The following LRRC4C variants were observed in gnomAD, a reference collection of about 807,000 sequenced individuals.
LRRC4C encodes the protein leucine-rich repeat-containing protein 4C.
A neutral mutation model predicts 33.6 loss-of-function variants in LRRC4C; 5 were observed. The observed-to-expected ratio is 0.15, with a 90% CI of 0.08 to 0.31. The LOEUF (loss-of-function observed/expected upper bound fraction) is 0.31, where lower values mean the gene tolerates loss of function less well. Ranked by LOEUF, LRRC4C falls within the 10% of genes least tolerant of loss-of-function variation. LRRC4C has a pLI of 1.00. For missense variants in LRRC4C, 560 were observed against 796.7 expected (o/e 0.70, Z 3.58); for synonymous variants, 329 against 302.0 (o/e 1.09, Z -0.93).
chr11:40,601,605 T>G (rs1168911756), intron 3 of LRRC4C, among the ~76,000 whole-genome samples: 1 of 152,224 alleles, frequency 6.6e-6, no homozygotes, highest in Non-Finnish European at 1.5e-5. Context: ...TTATTTTGCA[T>G]GAATGGCTTC....
chr11:40,126,421 G>A (rs1856229932), intron 6 of LRRC4C, among the ~76,000 whole-genome samples: 1 of 152,102 alleles, frequency 6.6e-6, no homozygotes, highest in African/African-American at 2.4e-5. Context: ...CAACAATGTG[G>A]CTGCCACCAA....
chr11:40,802,823 GAAGTA>G, intron 2 of LRRC4C, among the ~76,000 whole-genome samples: 1 of 152,304 alleles, frequency 6.6e-6, no homozygotes, highest in Admixed American at 6.5e-5. Flanking sequence ...AAAATTCCCA[GAAGTA>G]AAGTCTATTA....
At chr11:40,513,515 C>T (rs1431965840) in intron 3 of LRRC4C, among the ~76,000 whole-genome samples, 1 of 152,092 alleles carries the variant, frequency 6.6e-6, no homozygotes, top group Admixed American at 6.6e-5. Flanking sequence ...GTACACAGGG[C>T]TGCAAGCTGG....
chr11:41,383,180 T>C (rs981905338), intron 1 of LRRC4C, among the ~76,000 whole-genome samples: 14 of 152,152 alleles, frequency 9.2e-5, no homozygotes, highest in African/African-American at 3.4e-4. Context: ...GCCAGTCATC[T>C]GTCCAATCAG....
chr11:41,196,706 T>C (rs911392351), intron 1 of LRRC4C, among the ~76,000 whole-genome samples: 1 of 151,994 alleles, frequency 6.6e-6, no homozygotes, highest in African/African-American at 2.4e-5. Flanking sequence ...GATAAACGGA[T>C]GCATGAATGA....
chr11:41,296,646 G>A (rs913955730), intron 1 of LRRC4C, among the ~76,000 whole-genome samples: 2 of 152,026 alleles, frequency 1.3e-5, no homozygotes, highest in Admixed American at 1.3e-4. Flanking sequence ...AAATAAGAAC[G>A]AGAGCAAAAT....
chr11:40,644,946 G>T (rs1591359583), intron 3 of LRRC4C, among the ~76,000 whole-genome samples: 2 of 145,678 alleles, frequency 1.4e-5, no homozygotes, highest in Admixed American at 1.4e-4. Context: ...GGATCTCTGT[G>T]TTTTTTTTTT....
rs899114461 is a variant in LRRC4C, at chr11:40,443,600, A to T, written c.-269-123879T>A. On this transcript the variant is annotated intron_variant, in intron 3 of 6. Transcript: ENST00000528697. Reference sequence around the variant, plus strand: ...TGGTCATTCTCAGTAAAGTACCCTGAGGAGACAGATCAGTATTTACATAGC... The same window carrying T: ...TGGTCATTCTCAGTAAAGTACCCTGTGGAGACAGATCAGTATTTACATAGC... 6.6e-5 allele frequency among the ~76,000 whole-genome samples: 10 copies of T among 152,322 alleles called. No individual in the cohort carries two copies. The East Asian group carries it at 7.7e-4, about 12-fold the overall frequency.
chr11:41,030,534 G>A (rs1273642616), intron 1 of LRRC4C, among the ~76,000 whole-genome samples: 2 of 151,746 alleles, frequency 1.3e-5, no homozygotes, highest in African/African-American at 4.8e-5. Flanking sequence ...CCAACCAAAA[G>A]TCATAGAACA....
At chr11:41,341,703 C>T (rs1430523115) in intron 1 of LRRC4C, among the ~76,000 whole-genome samples, 1 of 152,110 alleles carries the variant, frequency 6.6e-6, no homozygotes, top group African/African-American at 2.4e-5. Context: ...ATGCAAGCCC[C>T]AATTATAATA....
Position 40,341,975 on chromosome 11 carries a change from G to A in LRRC4C, c.-269-22254C>T, listed in dbSNP as rs1946885900. ...GTGCTGTGCTTTGTATGTTGATAGA[G>A]ATTATGTTACTGGCACTTTTCTCAA... On this transcript the variant is annotated intron_variant, in intron 3 of 6. Coordinates refer to ENST00000528697, the MANE Select transcript of LRRC4C (RefSeq NM_001258419.2). Among the ~76,000 whole-genome samples, 3 of 148,444 alleles carry A rather than the reference G, an allele frequency of 2.0e-5. No homozygotes were observed. In the Admixed American group the frequency reaches 2.0e-4, roughly 10 times the overall value.
chr11:40,315,550 A>G (rs562882272), intron 4 of LRRC4C, among the ~76,000 whole-genome samples: 24 of 152,142 alleles, frequency 1.6e-4, no homozygotes, highest in Non-Finnish European at 2.4e-4. Flanking sequence ...CCATATCTAT[A>G]CATTCAGAGC....
intron 4 of LRRC4C, among the ~76,000 whole-genome samples, chr11:40,280,328 T>C (rs1943387449): frequency 6.6e-6 from 1 of 152,208 alleles, no homozygotes; most frequent in Non-Finnish European, 1.5e-5. Flanking sequence ...GTGATGGCGC[T>C]GTGCCGGCAA....
chr11:40,876,924 A>G (rs1954922486), intron 2 of LRRC4C, among the ~76,000 whole-genome samples: 1 of 132,182 alleles, frequency 7.6e-6, no homozygotes, highest in South Asian at 2.4e-4. Context: ...AAAAAAAAAA[A>G]TCTTGATAGC....
At chr11:40,433,270 A>G (rs1465704177) in intron 3 of LRRC4C, among the ~76,000 whole-genome samples, 1 of 151,464 alleles carries the variant, frequency 6.6e-6, no homozygotes, top group Admixed American at 6.6e-5. Context: ...GTTCTATATT[A>G]TGTTTTGTAT....
chr11:40,586,012 G>C (rs1437921421), intron 3 of LRRC4C, among the ~76,000 whole-genome samples: 2 of 134,550 alleles, frequency 1.5e-5, no homozygotes, highest in Non-Finnish European at 3.2e-5. Flanking sequence ...TGGCTCAAAT[G>C]GTATTTCTAG....
chr11:40,552,928 A>G (rs1427894576), intron 3 of LRRC4C, among the ~76,000 whole-genome samples: 1 of 152,148 alleles, frequency 6.6e-6, no homozygotes, highest in African/African-American at 2.4e-5. Context: ...ATCAAATATG[A>G]TGGCAGATTT....
chr11:40,708,915 T>C (rs1043957953), intron 2 of LRRC4C, among the ~76,000 whole-genome samples: 6 of 152,194 alleles, frequency 3.9e-5, no homozygotes, highest in Non-Finnish European at 7.3e-5. Context: ...TGCATATATA[T>C]TCAGGATAGT....
chr11:41,307,227 T>G (rs1950530061), intron 1 of LRRC4C, among the ~76,000 whole-genome samples: 1 of 151,946 alleles, frequency 6.6e-6, no homozygotes, highest in Admixed American at 6.6e-5. Flanking sequence ...GCACCAGTGA[T>G]AGTTGGAGAT....
Sources: allele counts gnomAD v4.1 joint callset (sites outside exome capture counted in the v4.1 genomes callset), GRCh38; gene constraint gnomAD v4.1.1; transcripts MANE v1.5; gene names NCBI Gene and HGNC (gene_info 2026-07-23, HGNC 2026-07-21).